The following BICRA variants were observed in gnomAD, a reference collection of about 807,000 sequenced individuals.
The protein encoded by BICRA is BRD4 interacting chromatin remodeling complex associated protein.
BICRA carries 31 observed loss-of-function variants against 96.9 expected under a neutral mutation model. The ratio of observed to expected loss-of-function variants is 0.32; its 90% CI spans 0.24 to 0.43. The LOEUF is 0.43. BICRA is among the 20% of genes least tolerant of loss of function. The probability of loss-of-function intolerance (pLI) is 1.00; values close to 1 mark genes in which losing one functional copy is unlikely to be tolerated. For synonymous variants in BICRA, 1,350 were observed against 1,071.8 expected (o/e 1.26, Z -5.07); for missense variants, 2,283 against 2,190.3 (o/e 1.04, Z -0.84).
Position 47,702,486 on chromosome 19 carries a change from C to T in BICRA, c.*71C>T. ...GGGACAGTCGGGTGTCCGCCCTCAG[C>T]CTCCTGGGGACTCGAGCCGGGGATC... On this transcript the variant is annotated 3_prime_UTR_variant, in exon 15 of 15. Transcript: ENST00000594866. The T allele has an allele frequency of 7.2e-7, 1 of 1,391,150 alleles. No homozygotes were observed. The highest frequency in any genetic ancestry group is 1.5e-5 in the African/African-American group (1 of 65,470). The allele number at this position is 1,391,150 out of a possible 1,614,324, so 86.2% of individuals were successfully genotyped here.
At chr19:47,688,912 T>C (rs1240379432) in intron 7 of BICRA, among the ~76,000 whole-genome samples, 1 of 151,914 alleles carries the variant, frequency 6.6e-6, no homozygotes, top group African/African-American at 2.4e-5. Context: ...CGGCAACCTC[T>C]GTCTCTGGGA....
chr19:47,625,533 A>G (rs1972127912), intron 1 of BICRA, among the ~76,000 whole-genome samples: 2 of 152,008 alleles, frequency 1.3e-5, no homozygotes, highest in Non-Finnish European at 2.9e-5. Flanking sequence ...GACTGAATAA[A>G]CCCCTAACTG....
chr19:47,655,498 C>T (rs1972601266), intron 1 of BICRA, among the ~76,000 whole-genome samples: 1 of 131,856 alleles, frequency 7.6e-6, no homozygotes, highest in Non-Finnish European at 1.6e-5. Context: ...GTACTCCAGC[C>T]TGGGCAACAA....
Position 47,702,403 on chromosome 19 carries a change from G to A in BICRA, c.4671G>A (p.Thr1557=), listed in dbSNP as rs1973478546. Residue 1557 remains threonine (T), a synonymous_variant, in exon 15 of 15, where the codon ACG becomes ACA. Coordinates refer to ENST00000594866, the MANE Select transcript of BICRA (RefSeq NM_001394372.1). ...ACAACGGTGGCCTCGGCGCCAGGAC[G>A]TTGACCAGATAACACCGGGCCGCCT... is the stretch of plus-strand genomic sequence containing the variant. The part of the protein sequence containing the change: ...SSHNGGLGAR[T]LTR 2.0e-6 allele frequency: 3 copies of A among 1,514,690 alleles called. No homozygotes were observed. Among genetic ancestry groups the A allele is most frequent in the Non-Finnish European group, 2.6e-6 (3 of 1,145,410 alleles). The allele number at this position is 1,514,690 out of a possible 1,614,324, so 93.8% of individuals were successfully genotyped here.
At chr19:47,634,107 T>G (rs2123526344) in intron 1 of BICRA, among the ~76,000 whole-genome samples, 1 of 152,338 alleles carries the variant, frequency 6.6e-6, no homozygotes, top group East Asian at 1.9e-4. Context: ...CCTTGTGTTT[T>G]ATTGTATTTA....
intron 7 of BICRA, among the ~76,000 whole-genome samples, chr19:47,685,329 G>A (rs941479809): frequency 9.2e-5 from 14 of 152,158 alleles, no homozygotes; most frequent in Non-Finnish European, 1.6e-4. Context: ...GCACAGGCAG[G>A]TGTGCACACG....
chr19:47,619,692 G>T (rs1036644535), intron 1 of BICRA, among the ~76,000 whole-genome samples: 1 of 152,198 alleles, frequency 6.6e-6, no homozygotes, highest in Non-Finnish European at 1.5e-5. Flanking sequence ...GAGGCCGGGA[G>T]TCCGAGACCA....
chr19:47,641,221 GT>G (rs1332228917), intron 1 of BICRA, among the ~76,000 whole-genome samples: 3 of 151,342 alleles, frequency 2.0e-5, no homozygotes, highest in South Asian at 2.1e-4. Context: ...CACCTGGCCA[GT>G]TTTTTTTAGT....
At chr19:47,609,622 C>G (rs1971866213) in intron 1 of BICRA, among the ~76,000 whole-genome samples, 1 of 151,678 alleles carries the variant, frequency 6.6e-6, no homozygotes, top group Non-Finnish European at 1.5e-5. Context: ...CCCTCCCCGT[C>G]CCGGCCCCCT....
At chr19:47,700,834 T>C (rs1973429376) in intron 14 of BICRA, 1 of 157,182 alleles carries the variant, frequency 6.4e-6, no homozygotes, top group East Asian at 1.9e-4. Context: ...TCATGTCATT[T>C]CGGACCAGAT....
intron 5 of BICRA, among the ~76,000 whole-genome samples, chr19:47,676,604 C>G (rs1397404053): frequency 2.9e-5 from 2 of 68,126 alleles, no homozygotes; most frequent in East Asian, 2.6e-4. Context: ...TCCTTCCCCC[C>G]CTCACCCTCC....
chr19:47,608,596 T>A (rs1031617684), upstream of BICRA: 4 of 152,030 alleles, frequency 2.6e-5, no homozygotes, highest in African/African-American at 9.7e-5. Context: ...CGCCCCAGCA[T>A]CCGGATCAGG....
intron 1 of BICRA, among the ~76,000 whole-genome samples, chr19:47,664,552 T>G (rs555534512): frequency 6.6e-6 from 1 of 152,270 alleles, no homozygotes; most frequent in South Asian, 2.1e-4. Context: ...TCCTGTAAGA[T>G]GTGCATCAGC....
intron 1 of BICRA, among the ~76,000 whole-genome samples, chr19:47,617,823 T>C (rs1188836475): frequency 6.6e-6 from 1 of 152,198 alleles, no homozygotes; most frequent in Non-Finnish European, 1.5e-5. Context: ...TTTTTTCTTT[T>C]TTGCCAAGGT....
chr19:47,698,592 C>A lies in BICRA; in HGVS notation c.3249-42C>A. 4.5e-6 allele frequency: 4 copies of A among 888,366 alleles called. No individual in the cohort carries two copies. The highest frequency in any genetic ancestry group is 4.2e-5 in the South Asian group (3 of 72,140). 55.0% of individuals were successfully genotyped at this position (888,366 alleles called of 1,614,324 possible). ...TTCCCCTGGCCCTCACCCGTCCCCC[C>A]CACCCTCCGCCGTGTGTGGTCTCTC... is the stretch of plus-strand genomic sequence containing the variant. On this transcript the variant is annotated intron_variant, in intron 11 of 14. Transcript: ENST00000594866. The surrounding 1 kb of genome is among the most constrained non-coding windows in gnomAD (Gnocchi z 4.8).
intron 7 of BICRA, among the ~76,000 whole-genome samples, chr19:47,688,837 T>C (rs981600043): frequency 2.0e-5 from 3 of 152,142 alleles, no homozygotes; most frequent in Admixed American, 2.0e-4. Flanking sequence ...TATTTTTTGT[T>C]TTTGAGACAG....
At chr19:47,688,445 G>A (rs906865634) in intron 7 of BICRA, among the ~76,000 whole-genome samples, 1 of 152,046 alleles carries the variant, frequency 6.6e-6, no homozygotes. Flanking sequence ...AAAGAACAAA[G>A]AAGAAAAATA....
rs1208037811 is a variant in BICRA at position 47,682,105 on chromosome 19, G to A, written c.2236G>A (p.Gly746Ser). 12 of 1,478,444 alleles carry A rather than the reference G, an allele frequency of 8.1e-6. No individual in the cohort carries two copies. In the South Asian group the frequency reaches 8.4e-5, roughly 10 times the overall value. 91.6% of individuals were successfully genotyped at this position (1,478,444 alleles called of 1,614,324 possible). A position where few individuals can be genotyped will look rare whatever the true frequency, so the allele number is the denominator to read the frequency against. ...CCCCGTCGCCAAAGGAGCTGGCCTC[G>A]GCCCTCAGGCCCCCGACAGCCAGGC... The part of the protein sequence containing the change: ...ATPVAKGAGL[G>S]PQAPDSQASP... The change falls in exon 7 of 15, where the codon GGC becomes AGC. Residue 746 changes from glycine to serine, a missense_variant. By Grantham distance (56) the Gly-to-Ser change is moderately conservative. Transcript: ENST00000594866.
At chr19:47,673,304 C>T (rs542922518) in intron 2 of BICRA, among the ~76,000 whole-genome samples, 124 of 152,260 alleles carry the variant, frequency 8.1e-4, no homozygotes, top group African/African-American at 2.9e-3. Flanking sequence ...ATGGTCAGGA[C>T]TCACTTAGTC....
Sources: allele counts gnomAD v4.1 joint callset (sites outside exome capture counted in the v4.1 genomes callset), GRCh38; gene constraint gnomAD v4.1.1; non-coding constraint Gnocchi (gnomAD v3.1); transcripts MANE v1.5; gene names NCBI Gene and HGNC (gene_info 2026-07-23, HGNC 2026-07-21).